Variants in ALK observed in about 807,000 individuals in gnomAD.
ALK encodes ALK receptor tyrosine kinase.
In ALK, 74 loss-of-function variants were observed where a neutral mutation model predicts 163.1. The observed-to-expected ratio is 0.45, with a 90% CI of 0.38 to 0.55. ALK has a LOEUF of 0.55. Ranked by LOEUF, ALK falls within the 20% of genes least tolerant of loss-of-function variation. The probability of loss-of-function intolerance (pLI) is 0.00; values close to 1 mark genes in which losing one functional copy is unlikely to be tolerated. For synonymous variants in ALK, 960 were observed against 843.2 expected (o/e 1.14, Z -2.40); for missense variants, 2,063 against 2,105.3 (o/e 0.98, Z 0.39).
Position 29,600,793 on chromosome 2 carries a change from G to C in ALK, c.953-68677C>G, listed in dbSNP as rs55844750. On this transcript the variant is annotated intron_variant, in intron 3 of 28. Transcript: ENST00000389048. ...AGTTGGGGCATAAACAGTAGAAGAG[G>C]TATGGTGTTGGTTGGTGGGTGGAGG... Among the ~76,000 whole-genome samples, 449 of 152,318 alleles carry C rather than the reference G, an allele frequency of 2.9e-3. 1 individual carries two copies. Among genetic ancestry groups the C allele is most frequent in the African/African-American group, 0.01 (434 of 41,580 alleles).
chr2:29,245,767 C>T, intron 12 of ALK, among the ~76,000 whole-genome samples: 1 of 148,924 alleles, frequency 6.7e-6, no homozygotes. Context: ...GGCTCAGTGC[C>T]CTGCACACAG....
chr2:29,258,808 G>A (rs571685791), intron 11 of ALK, among the ~76,000 whole-genome samples: 10 of 152,064 alleles, frequency 6.6e-5, no homozygotes, highest in Admixed American at 2.6e-4. Context: ...GGAATCAACC[G>A]TTTCCTCAAA....
chr2:29,611,352 T>C (rs1675685966), intron 3 of ALK, among the ~76,000 whole-genome samples: 1 of 152,180 alleles, frequency 6.6e-6, no homozygotes. Flanking sequence ...TAGGAGCATA[T>C]TTTCAGACTC....
chr2:29,296,770 TGTGG>T, intron 9 of ALK, 114 bp downstream of exon 9: 2 of 1,211,920 alleles, frequency 1.7e-6, no homozygotes, highest in Non-Finnish European at 2.4e-6. Context: ...CATATCGGTG[TGTGG>T]GCACATCTGC....
chr2:29,426,995 C>T lies in ALK; in HGVS notation c.1155-43136G>A, dbSNP rs1045756491. On this transcript the variant is annotated intron_variant, in intron 4 of 28. Coordinates refer to ENST00000389048, the MANE Select transcript of ALK (RefSeq NM_004304.5). ...CAGAGGTTTCAGTGAGCCAAGATCA[C>T]GCCACTGCACTCCAGCCTGGCAAAA... 6.1e-5 allele frequency among the ~76,000 whole-genome samples: 8 copies of T among 131,284 alleles called. No individual in the cohort carries two copies. In the East Asian group the frequency reaches 7.7e-4, roughly 13 times the overall value. 86.1% of individuals were successfully genotyped at this position (131,284 alleles called of 152,430 possible). A position where few individuals can be genotyped will look rare whatever the true frequency, so the allele number is the denominator to read the frequency against.
At chr2:29,577,221 GT>G (rs1350738306) in intron 3 of ALK, among the ~76,000 whole-genome samples, 1 of 152,150 alleles carries the variant, frequency 6.6e-6, no homozygotes, top group Non-Finnish European at 1.5e-5. Flanking sequence ...ACTCTGGGGT[GT>G]TTGGGTTCAG....
chr2:29,287,238 T>C (rs1665882881), intron 9 of ALK, among the ~76,000 whole-genome samples: 1 of 152,194 alleles, frequency 6.6e-6, no homozygotes, highest in Non-Finnish European at 1.5e-5. Flanking sequence ...TTTTAGGAAA[T>C]ACGACGAAAG....
intron 4 of ALK, among the ~76,000 whole-genome samples, chr2:29,391,543 C>A (rs965829665): frequency 3.9e-5 from 6 of 152,214 alleles, no homozygotes; most frequent in Admixed American, 3.9e-4. Context: ...TCAGGTGATC[C>A]GCCCACCTTG....
intron 1 of ALK, among the ~76,000 whole-genome samples, chr2:29,859,366 G>A (rs1050225148): frequency 1.3e-5 from 2 of 152,222 alleles, no homozygotes; most frequent in Non-Finnish European, 2.9e-5. Context: ...GCTCTCCCTT[G>A]AAGCCAGACT....
intron 1 of ALK, among the ~76,000 whole-genome samples, chr2:29,789,212 G>A (rs1664126903): frequency 6.6e-6 from 1 of 152,128 alleles, no homozygotes; most frequent in Non-Finnish European, 1.5e-5. Context: ...TAATGCTAGA[G>A]GATATCATTT....
intron 2 of ALK, among the ~76,000 whole-genome samples, chr2:29,698,924 A>G (rs1294766880): frequency 6.6e-6 from 1 of 152,230 alleles, no homozygotes; most frequent in Non-Finnish European, 1.5e-5. Context: ...AATTTCTTAC[A>G]AAACATGGAG....
At chr2:29,585,379 T>A (rs1170469128) in intron 3 of ALK, among the ~76,000 whole-genome samples, 1 of 152,090 alleles carries the variant, frequency 6.6e-6, no homozygotes, top group East Asian at 1.9e-4. Context: ...CAAGCTGGAG[T>A]GCAATGGCAC....
chr2:29,649,339 C>T (rs562490641), intron 3 of ALK, among the ~76,000 whole-genome samples: 9 of 151,926 alleles, frequency 5.9e-5, no homozygotes, highest in African/African-American at 1.9e-4. Context: ...ACCTCACCAC[C>T]GACCTTTGTT....
At chr2:29,530,144 C>T (rs1220168164) in intron 4 of ALK, among the ~76,000 whole-genome samples, 1 of 145,320 alleles carries the variant, frequency 6.9e-6, no homozygotes, top group Non-Finnish European at 1.5e-5. Context: ...CCCTAAGAGG[C>T]TTCAGGTCTC....
At chr2:29,212,022 A>G (rs769949045) in intron 24 of ALK, among the ~76,000 whole-genome samples, 3 of 152,186 alleles carry the variant, frequency 2.0e-5, no homozygotes, top group Non-Finnish European at 4.4e-5. Flanking sequence ...GGCTGTAGGA[A>G]AGGAGATGTC....
chr2:29,428,072 G>A (rs1244286023), intron 4 of ALK, among the ~76,000 whole-genome samples: 1 of 152,008 alleles, frequency 6.6e-6, no homozygotes, highest in Admixed American at 6.6e-5. Context: ...AGCATACTTT[G>A]AGATAAATGA....
chr2:29,449,060 A>G (rs1670756467), intron 4 of ALK, among the ~76,000 whole-genome samples: 1 of 152,154 alleles, frequency 6.6e-6, no homozygotes, highest in Admixed American at 6.5e-5. Context: ...GCCATAAACA[A>G]TCTTTCTTTG....
At chr2:29,781,800 T>G (rs1421217650) in intron 1 of ALK, among the ~76,000 whole-genome samples, 1 of 152,214 alleles carries the variant, frequency 6.6e-6, no homozygotes, top group Non-Finnish European at 1.5e-5. Context: ...CTGTCTTCTT[T>G]GTCTCCTGTC....
intron 3 of ALK, among the ~76,000 whole-genome samples, chr2:29,546,217 GT>G (rs955484224): frequency 1.3e-5 from 2 of 152,076 alleles, no homozygotes; most frequent in African/African-American, 2.4e-5. Context: ...CACAAAGGTG[GT>G]TTTTTTCTTT....
Sources: gnomAD v4.1 joint callset for allele counts (sites outside exome capture counted in the v4.1 genomes callset) on GRCh38, gnomAD v4.1.1 for gene constraint, MANE v1.5 for transcripts, NCBI Gene and HGNC (gene_info 2026-07-23, HGNC 2026-07-21) for gene names.